The following SRRM3 variants were observed in gnomAD, a reference collection of about 807,000 sequenced individuals.
SRRM3 encodes serine/arginine repetitive matrix protein 3.
SRRM3 carries 27 observed loss-of-function variants against 66.2 expected under a neutral mutation model. That is an observed-to-expected ratio of 0.41 (90% CI 0.30 to 0.56). The LOEUF is 0.56. SRRM3 is among the 20% of genes least tolerant of loss of function. SRRM3 has a pLI of 0.32. For synonymous variants in SRRM3, 391 were observed against 414.9 expected (o/e 0.94, Z 0.70); for missense variants, 918 against 991.9 (o/e 0.93, Z 1.00).
At chr7:76,266,264 T>TAAATATTTATATATTTAATATATA (rs1563635066) in intron 10 of SRRM3, among the ~76,000 whole-genome samples, 1 of 62,126 alleles carries the variant, frequency 1.6e-5, no homozygotes, top group African/African-American at 4.9e-5. Flanking sequence ...TTTAATATAT[T>TAAATATTTATATATTTAATATATA]TATATTTAAT....
intron 11 of SRRM3, among the ~76,000 whole-genome samples, chr7:76,275,497 CAAAAAAAA>C (rs35985626): frequency 4.2e-5 from 3 of 70,916 alleles, no homozygotes; most frequent in Non-Finnish European, 9.1e-5. Context: ...CCTGCTCCCT[CAAAAAAAA>C]AAAAAAAAAA....
intron 1 of SRRM3, among the ~76,000 whole-genome samples, chr7:76,212,087 C>T (rs1384356996): frequency 1.3e-5 from 2 of 150,876 alleles, no homozygotes; most frequent in Non-Finnish European, 2.9e-5. Flanking sequence ...CTCCTGGCCT[C>T]AAGTGATTCT....
intron 8 of SRRM3, among the ~76,000 whole-genome samples, chr7:76,262,155 G>T (rs1051030171): frequency 6.6e-6 from 1 of 152,084 alleles, no homozygotes; most frequent in Non-Finnish European, 1.5e-5. Flanking sequence ...GGAAGTGAAA[G>T]GCAGGAGTCC....
Position 76,285,628 on chromosome 7 carries a change from C to T in SRRM3, c.1747C>T (p.Pro583Ser). Residue 583 changes from proline to serine, a missense_variant, in exon 15 of 15, where the codon CCT becomes TCT. Coordinates refer to ENST00000611745, the MANE Select transcript of SRRM3 (RefSeq NM_001110199.3). This position sits in a 1 kb window ranked among gnomAD's most constrained non-coding sequence, Gnocchi z 4.1. ...PRRITSARKR[P>S]IPYYRPSPSS... ...TCTTCCCGGCAGCGCCCGCAAGCGT[C>T]CTATTCCATACTACCGGCCCAGCCC... 1 of 1,550,594 alleles carries T rather than the reference C, an allele frequency of 6.4e-7. No individual in the cohort carries two copies. Among genetic ancestry groups the T allele is most frequent in the South Asian group, 1.2e-5 (1 of 84,012 alleles).
chr7:76,263,877 CA>C (rs781852712), intron 8 of SRRM3, among the ~76,000 whole-genome samples: 1,104 of 49,350 alleles, frequency 0.022, 16 homozygotes, highest in African/African-American at 0.046. Context: ...TGTCTCAAGA[CA>C]AAAAAAAAAA....
chr7:76,269,992 A>G (rs80130924), intron 11 of SRRM3: 1 of 151,882 alleles, frequency 6.6e-6, no homozygotes, highest in East Asian at 1.9e-4. Context: ...AAAAAAAAAA[A>G]TCACTCCCAC....
intron 11 of SRRM3, among the ~76,000 whole-genome samples, chr7:76,274,447 G>A (rs2117094399): frequency 6.6e-6 from 1 of 152,348 alleles, no homozygotes; most frequent in Admixed American, 6.5e-5. Flanking sequence ...TTGAGACCTA[G>A]AAGGCCTACT....
intron 1 of SRRM3, among the ~76,000 whole-genome samples, chr7:76,228,583 G>A: frequency 6.6e-6 from 1 of 152,042 alleles, no homozygotes; most frequent in East Asian, 1.9e-4. Flanking sequence ...AGTTAGCCGG[G>A]TGTAGTGGTG....
At chr7:76,229,813 G>A (rs1583885607) in intron 1 of SRRM3, among the ~76,000 whole-genome samples, 2 of 147,030 alleles carry the variant, frequency 1.4e-5, no homozygotes, top group South Asian at 4.3e-4. Context: ...GTGCGATCTC[G>A]GCTCACTGCA....
chr7:76,231,678 T>A (rs1554604242), intron 1 of SRRM3, among the ~76,000 whole-genome samples: 1 of 152,228 alleles, frequency 6.6e-6, no homozygotes. Context: ...GGGCTCACAG[T>A]TTAGAATAGG....
chr7:76,283,132 C>T lies in SRRM3; in HGVS notation c.1733+31C>T, dbSNP rs782542316. The T allele has an allele frequency of 2.2e-6, 3 of 1,386,026 alleles. No individual in the cohort carries two copies. In the Admixed American group the frequency reaches 8.6e-5, roughly 40 times the overall value. 85.9% of individuals were successfully genotyped at this position (1,386,026 alleles called of 1,614,324 possible). A position where few individuals can be genotyped will look rare whatever the true frequency, so the allele number is the denominator to read the frequency against. On this transcript the variant is annotated intron_variant, in intron 14 of 14. Transcript: ENST00000611745. ...GAGGGTCTTGGGGGGGCCGGTGGCG[C>T]AGGGCTGGGGCCGCTGACCCGGATC...
chr7:76,285,891 G>A lies in SRRM3; in HGVS notation c.*48G>A. ...GCCCCCCTGGCACTGGGAGAGGCGA[G>A]GGGCGGGCCCCAGGACCCCAGTGGG... On this transcript the variant is annotated 3_prime_UTR_variant, in exon 15 of 15. Transcript: ENST00000611745. The surrounding 1 kb of genome is among the most constrained non-coding windows in gnomAD (Gnocchi z 4.1). 1 of 1,511,276 alleles carries A rather than the reference G, an allele frequency of 6.6e-7. No homozygotes were observed. Among genetic ancestry groups the A allele is most frequent in the South Asian group, 1.3e-5 (1 of 77,816 alleles). 93.6% of individuals were successfully genotyped at this position (1,511,276 alleles called of 1,614,324 possible).
intron 2 of SRRM3, among the ~76,000 whole-genome samples, chr7:76,242,768 C>A (rs564560376): frequency 1.1e-4 from 16 of 152,240 alleles, no homozygotes; most frequent in African/African-American, 3.6e-4. Context: ...CCCTCGCATG[C>A]GCAGTTCACA....
rs1405375721 is a variant in SRRM3 at position 76,281,585 on chromosome 7, AGGCGGCGGCGGCGGCGGCGTAGGC to A, written c.1161_1184del (p.Arg388_Arg395del). The A allele has an allele frequency of 1.6e-5, 16 of 981,996 alleles. No individual in the cohort carries two copies. In the Admixed American group the frequency reaches 3.2e-4, roughly 19 times the overall value. The allele number at this position is 981,996 out of a possible 1,614,324, so 60.8% of individuals were successfully genotyped here. ...AGGCCGCGCGGCGGGCGGGGCGGGCAGGCGGCGGCGGCGGCGGCGTAGGCGGCGGCGCTCGCGGTCCTCGGCGTC... is the reference window on the plus strand; with the variant it reads ...AGGCCGCGCGGCGGGCGGGGCGGGCAGGCGGCGCTCGCGGTCCTCGGCGTC... On this transcript the variant is annotated inframe_deletion, in exon 12 of 15. Transcript: ENST00000611745.
intron 11 of SRRM3, among the ~76,000 whole-genome samples, chr7:76,274,029 A>G (rs1393256241): frequency 1.3e-5 from 2 of 152,092 alleles, no homozygotes; most frequent in African/African-American, 2.4e-5. Flanking sequence ...AGCCAATTTG[A>G]TTTCTGTTGT....
intron 12 of SRRM3, among the ~76,000 whole-genome samples, chr7:76,282,052 G>A (rs1802531101): frequency 8.5e-6 from 1 of 117,496 alleles, no homozygotes; most frequent in Admixed American, 9.6e-5. Flanking sequence ...CCCTCTCCAC[G>A]GACCCCAAAC....
At chr7:76,234,113 T>G (rs1407821090) in intron 1 of SRRM3, among the ~76,000 whole-genome samples, 1 of 149,394 alleles carries the variant, frequency 6.7e-6, no homozygotes, top group East Asian at 2.0e-4. Flanking sequence ...CCCTGTTGCT[T>G]AGCAACTAGC....
intron 1 of SRRM3, among the ~76,000 whole-genome samples, chr7:76,226,454 C>G (rs1442394656): frequency 6.6e-6 from 1 of 152,254 alleles, no homozygotes; most frequent in African/African-American, 2.4e-5. Context: ...TGGGCTTGCC[C>G]TTGGGAGCTG....
At chr7:76,207,414 C>T (rs1392919749) in intron 1 of SRRM3, among the ~76,000 whole-genome samples, 3 of 152,176 alleles carry the variant, frequency 2.0e-5, no homozygotes, top group African/African-American at 7.2e-5. Flanking sequence ...AGTAGTTCCA[C>T]CACCCAAAGA....
Sources: gnomAD v4.1 joint callset for allele counts (sites outside exome capture counted in the v4.1 genomes callset) on GRCh38, gnomAD v4.1.1 for gene constraint, Gnocchi (gnomAD v3.1) non-coding constraint, MANE v1.5 for transcripts, NCBI Gene and HGNC (gene_info 2026-07-23, HGNC 2026-07-21) for gene names.